The following CNTNAP2 variants were observed in gnomAD, a reference collection of about 807,000 sequenced individuals.
CNTNAP2 encodes the protein contactin-associated protein-like 2.
In CNTNAP2, 98 loss-of-function variants were observed where a neutral mutation model predicts 155.2. The ratio of observed to expected loss-of-function variants is 0.63; its 90% CI spans 0.54 to 0.75. The LOEUF is 0.75. Among genes scored for constraint, CNTNAP2 ranks in the 30% least tolerant of loss-of-function variants. The pLI is 0.00. For missense variants in CNTNAP2, 1,727 were observed against 1,688.1 expected (o/e 1.02, Z -0.40); for synonymous variants, 651 against 631.2 (o/e 1.03, Z -0.47).
intron 21 of CNTNAP2, among the ~76,000 whole-genome samples, chr7:148,367,325 C>CCACAAA (rs1404405852): frequency 1.3e-5 from 2 of 151,832 alleles, no homozygotes; most frequent in African/African-American, 4.8e-5. Context: ...TTCCAGGGAC[C>CCACAAA]CACAAAAGTG....
chr7:146,483,324 T>TATATATATATATATATATATAC (rs1563101815), intron 1 of CNTNAP2, among the ~76,000 whole-genome samples: 1 of 83,814 alleles, frequency 1.2e-5, no homozygotes, highest in East Asian at 2.8e-4. Flanking sequence ...TATATATATA[T>TATATATATATATATATATATAC]ATATACATAT....
chr7:146,536,878 T>A (rs916043726), intron 1 of CNTNAP2, among the ~76,000 whole-genome samples: 2 of 152,114 alleles, frequency 1.3e-5, no homozygotes, highest in Admixed American at 6.6e-5. Context: ...GAGAAAACTC[T>A]GTATTTGCAA....
intron 12 of CNTNAP2, among the ~76,000 whole-genome samples, chr7:147,623,752 T>G (rs192219750): frequency 6.9e-6 from 1 of 144,716 alleles, no homozygotes; most frequent in Non-Finnish European, 1.5e-5. Context: ...AAAAAAAAAA[T>G]TTTAAATTTA....
intron 21 of CNTNAP2, among the ~76,000 whole-genome samples, chr7:148,313,273 G>T (rs60393822): frequency 6.7e-6 from 1 of 148,800 alleles, no homozygotes; most frequent in Admixed American, 6.8e-5. Flanking sequence ...ATCGGCATCC[G>T]TGATAGTCTA....
chr7:146,766,671 CA>C (rs1802200667), intron 1 of CNTNAP2, among the ~76,000 whole-genome samples: 1 of 152,112 alleles, frequency 6.6e-6, no homozygotes, highest in Admixed American at 6.6e-5. Flanking sequence ...TGTGATAACT[CA>C]ATGAGATGAC....
At chr7:147,853,146 C>T (rs1407999864) in intron 13 of CNTNAP2, among the ~76,000 whole-genome samples, 1 of 152,158 alleles carries the variant, frequency 6.6e-6, no homozygotes, top group African/African-American at 2.4e-5. Context: ...TCTGAAGTAT[C>T]TAAGTAGCAC....
intron 8 of CNTNAP2, among the ~76,000 whole-genome samples, chr7:147,290,676 C>T (rs1364845908): frequency 1.6e-5 from 2 of 124,978 alleles, no homozygotes; most frequent in South Asian, 2.9e-4. Context: ...GAGTGAGACT[C>T]CATCTCCAAA....
At chr7:147,727,949 C>T (rs1208057145) in intron 13 of CNTNAP2, among the ~76,000 whole-genome samples, 2 of 151,958 alleles carry the variant, frequency 1.3e-5, no homozygotes, top group African/African-American at 2.4e-5. Flanking sequence ...CTAGCCACCC[C>T]TATGGTCATC....
At chr7:148,292,328 G>C (rs1797203493) in intron 21 of CNTNAP2, among the ~76,000 whole-genome samples, 1 of 152,190 alleles carries the variant, frequency 6.6e-6, no homozygotes, top group South Asian at 2.1e-4. Flanking sequence ...TTTTAAGCCA[G>C]TTCAGATATT....
chr7:146,801,507 G>T (rs1802877239), intron 2 of CNTNAP2, among the ~76,000 whole-genome samples: 1 of 152,058 alleles, frequency 6.6e-6, no homozygotes, highest in African/African-American at 2.4e-5. Flanking sequence ...GATTTATTCA[G>T]GCATAAAAAG....
At chr7:147,727,368 T>C (rs901824855) in intron 13 of CNTNAP2, among the ~76,000 whole-genome samples, 1 of 152,040 alleles carries the variant, frequency 6.6e-6, no homozygotes, top group African/African-American at 2.4e-5. Flanking sequence ...CTGCTTTCTC[T>C]ACGTAAGACT....
At chr7:146,973,219 G>A (rs927840009) in intron 3 of CNTNAP2, among the ~76,000 whole-genome samples, 1 of 152,064 alleles carries the variant, frequency 6.6e-6, no homozygotes, top group African/African-American at 2.4e-5. Context: ...GTAGAGACAG[G>A]GTTTCACCAT....
intron 13 of CNTNAP2, among the ~76,000 whole-genome samples, chr7:147,855,049 T>G (rs1211387534): frequency 6.6e-6 from 1 of 152,174 alleles, no homozygotes; most frequent in Non-Finnish European, 1.5e-5. Context: ...CTTTTAAAAA[T>G]TCATCTGTTT....
chr7:146,188,652 A>G (rs1462982967), intron 1 of CNTNAP2, among the ~76,000 whole-genome samples: 3 of 152,162 alleles, frequency 2.0e-5, no homozygotes, highest in Admixed American at 1.3e-4. Flanking sequence ...TTCTCTTAAT[A>G]TGAGACATAA....
chr7:146,543,456 A>G (rs1797983893), intron 1 of CNTNAP2, among the ~76,000 whole-genome samples: 1 of 151,780 alleles, frequency 6.6e-6, no homozygotes, highest in South Asian at 2.1e-4. Flanking sequence ...TTCTAGCACC[A>G]TAGATTAGTT....
intron 18 of CNTNAP2, among the ~76,000 whole-genome samples, chr7:148,188,353 T>A (rs1016072116): frequency 6.6e-6 from 1 of 152,188 alleles, no homozygotes; most frequent in Non-Finnish European, 1.5e-5. Context: ...CCAGAAGAGC[T>A]GTCCTGAAGA....
At chr7:148,406,951 C>T (rs991706435) in intron 22 of CNTNAP2, among the ~76,000 whole-genome samples, 9 of 150,840 alleles carry the variant, frequency 6.0e-5, no homozygotes, top group South Asian at 2.1e-4. Context: ...ATAAACAGAC[C>T]ATGTCGGACC....
rs577591775 is a variant in CNTNAP2, at chr7:146,309,617, C to T, written c.97+192644C>T. Among the ~76,000 whole-genome samples the T allele has an allele frequency of 5.9e-4, 89 of 152,108 alleles. 2 individuals carry two copies. In the South Asian group the frequency reaches 0.018, roughly 31 times the overall value. On this transcript the variant is annotated intron_variant, in intron 1 of 23. Transcript: ENST00000361727. Reference sequence around the variant, plus strand: ...AGGAGTTCGAGACCAGCCTGGACAACATGGTGAAACCCTGTCTTTACTGAA... The same window carrying T: ...AGGAGTTCGAGACCAGCCTGGACAATATGGTGAAACCCTGTCTTTACTGAA...
At position 147,128,609 on chromosome 7, in the gene CNTNAP2, A is replaced by T; in HGVS notation, c.940-84A>T. 3.3e-6 allele frequency: 5 copies of T among 1,496,042 alleles called. No homozygotes were observed. In the Admixed American group the frequency reaches 8.4e-5, roughly 25 times the overall value. 92.7% of individuals were successfully genotyped at this position (1,496,042 alleles called of 1,614,324 possible). A position where few individuals can be genotyped will look rare whatever the true frequency, so the allele number is the denominator to read the frequency against. The stretch of plus-strand genomic sequence containing the variant: ...TGTATATTTTGGTTGAGGTATAGAT[A>T]CTTGACCTTCACTGTATTCATAGTT... On this transcript the variant is annotated intron_variant, in intron 6 of 23. Transcript: ENST00000361727.
Sources: allele counts gnomAD v4.1 joint callset (sites outside exome capture counted in the v4.1 genomes callset), GRCh38; gene constraint gnomAD v4.1.1; transcripts MANE v1.5; gene names NCBI Gene and HGNC (gene_info 2026-07-23, HGNC 2026-07-21).